Variants in ERC2 observed in about 807,000 individuals in gnomAD.
The protein encoded by ERC2 is ELKS/RAB6-interacting/CAST family member 2.
A neutral mutation model predicts 114.8 loss-of-function variants in ERC2; 42 were observed. The ratio of observed to expected loss-of-function variants is 0.37; its 90% confidence interval spans 0.29 to 0.47. The LOEUF is 0.47. Among genes scored for constraint, ERC2 ranks in the 20% least tolerant of loss-of-function variants. The pLI, the probability that ERC2 is intolerant of heterozygous loss-of-function variation, is 0.99. For missense variants in ERC2, 939 were observed against 1,150.7 expected (o/e 0.82, Z 2.66); for synonymous variants, 454 against 425.5 (o/e 1.07, Z -0.82).
intron 5 of ERC2, among the ~76,000 whole-genome samples, chr3:56,146,893 C>A (rs2081172996): frequency 6.6e-6 from 1 of 152,278 alleles, no homozygotes; most frequent in East Asian, 1.9e-4. Flanking sequence ...AAGTAACTAG[C>A]CATTAAAAGT....
At chr3:56,388,415 G>T (rs1410599316) in intron 2 of ERC2, among the ~76,000 whole-genome samples, 1 of 152,122 alleles carries the variant, frequency 6.6e-6, no homozygotes, top group African/African-American at 2.4e-5. Context: ...TTTCAGCCAT[G>T]GTTGCAAGCT....
intron 7 of ERC2, among the ~76,000 whole-genome samples, chr3:56,049,410 G>A (rs1401173937): frequency 6.6e-6 from 1 of 152,162 alleles, no homozygotes; most frequent in East Asian, 1.9e-4. Flanking sequence ...AAAAAGAATG[G>A]TCTACTGATA....
chr3:56,356,323 T>C (rs1239710472), intron 2 of ERC2, among the ~76,000 whole-genome samples: 2 of 152,190 alleles, frequency 1.3e-5, no homozygotes, highest in Non-Finnish European at 2.9e-5. Flanking sequence ...CAGAAAACAG[T>C]AATACAGGTA....
intron 4 of ERC2, among the ~76,000 whole-genome samples, chr3:56,151,174 T>A (rs1034682376): frequency 2.6e-5 from 4 of 152,098 alleles, no homozygotes; most frequent in Non-Finnish European, 4.4e-5. Flanking sequence ...TCAAGCAATT[T>A]TCATGCCTCA....
chr3:56,307,107 C>T (rs2056273517), intron 2 of ERC2, among the ~76,000 whole-genome samples: 1 of 152,180 alleles, frequency 6.6e-6, no homozygotes, highest in Admixed American at 6.5e-5. Context: ...AGGATCCAGA[C>T]AGGAAGGTGG....
chr3:55,886,706 A>G (rs1244535042), intron 14 of ERC2, among the ~76,000 whole-genome samples: 2 of 152,234 alleles, frequency 1.3e-5, no homozygotes, highest in Non-Finnish European at 1.5e-5. Context: ...ATTCATACAC[A>G]TATTCCACAA....
At position 55,774,313 on chromosome 3, in the gene ERC2, G is replaced by A. The variant is rs372688032; in HGVS notation, c.2565-39395C>T. Among the ~76,000 whole-genome samples, 45 of 152,324 alleles carry A rather than the reference G, an allele frequency of 3.0e-4. No homozygotes were observed. In the South Asian group the frequency reaches 8.3e-3, roughly 28 times the overall value. On this transcript the variant is annotated intron_variant, in intron 14 of 17. Coordinates refer to ENST00000288221, the MANE Select transcript of ERC2 (RefSeq NM_015576.3). ...AACATCGGTTCAACTAACAAGCTAA[G>A]ATGGATTCTGCAGCCCAAGCTCAAG...
intron 13 of ERC2, among the ~76,000 whole-genome samples, chr3:55,931,501 A>G: frequency 6.6e-6 from 1 of 152,180 alleles, no homozygotes; most frequent in East Asian, 1.9e-4. Context: ...CTAACACAGG[A>G]ACAGAAAACC....
rs2065729983 is a variant in ERC2, at chr3:55,737,791, T to C, written c.2565-2873A>G. Among the ~76,000 whole-genome samples the C allele has an allele frequency of 4.6e-5, 7 of 152,222 alleles. No homozygotes were observed. In the South Asian group the frequency reaches 1.2e-3, roughly 27 times the overall value. On this transcript the variant is annotated intron_variant, in intron 14 of 17. Coordinates refer to ENST00000288221, the MANE Select transcript of ERC2 (RefSeq NM_015576.3). ...TTACAAGCACAGGCACTATTTTCTTTTATGACAAACTTTCAAGGCCGTTTG... is the reference window on the plus strand; with the variant it reads ...TTACAAGCACAGGCACTATTTTCTTCTATGACAAACTTTCAAGGCCGTTTG...
chr3:55,809,246 T>A (rs1409029450), intron 14 of ERC2, among the ~76,000 whole-genome samples: 1 of 152,160 alleles, frequency 6.6e-6, no homozygotes, highest in Non-Finnish European at 1.5e-5. Flanking sequence ...GTGGCATGCA[T>A]AGAATGTGTA....
chr3:55,750,617 G>A (rs1459706024), intron 14 of ERC2, among the ~76,000 whole-genome samples: 1 of 152,134 alleles, frequency 6.6e-6, no homozygotes, highest in Non-Finnish European at 1.5e-5. Context: ...GGAAAAGAGT[G>A]GCTTCCAGAT....
chr3:56,310,008 C>T (rs1203536701), intron 2 of ERC2, among the ~76,000 whole-genome samples: 1 of 152,126 alleles, frequency 6.6e-6, no homozygotes, highest in Non-Finnish European at 1.5e-5. Context: ...TGTTTTAAGA[C>T]CAATTCGAAG....
chr3:56,319,193 T>A (rs187510629), intron 2 of ERC2, among the ~76,000 whole-genome samples: 33 of 152,196 alleles, frequency 2.2e-4, no homozygotes, highest in Middle Eastern at 3.4e-3. Flanking sequence ...CACTCCTGTG[T>A]TCACTGCAGC....
chr3:55,746,710 G>A (rs1462468072), intron 14 of ERC2, among the ~76,000 whole-genome samples: 3 of 152,204 alleles, frequency 2.0e-5, no homozygotes, highest in African/African-American at 7.2e-5. Flanking sequence ...TGGTAGCCAG[G>A]CAAAGGGCAG....
chr3:55,608,785 G>A lies in ERC2; in HGVS notation c.*39+75009C>T, dbSNP rs150865133. Among the ~76,000 whole-genome samples, 253 of 152,152 alleles carry A rather than the reference G, an allele frequency of 1.7e-3. 1 individual carries two copies. The highest frequency in any genetic ancestry group is 5.1e-3 in the African/African-American group (211 of 41,496). ...TTTAACAGAGACTTTGTCAAGATAC[G>A]GCAAGCCAATTACCTCAATCATTGA... On this transcript the variant is annotated intron_variant, in intron 17 of 17. Coordinates refer to ENST00000288221, the MANE Select transcript of ERC2 (RefSeq NM_015576.3).
At chr3:56,450,270 T>C (rs1269975119) in intron 1 of ERC2, among the ~76,000 whole-genome samples, 1 of 151,962 alleles carries the variant, frequency 6.6e-6, no homozygotes, top group Non-Finnish European at 1.5e-5. Flanking sequence ...AGATTTAGCA[T>C]GATTACATGT....
intron 14 of ERC2, among the ~76,000 whole-genome samples, chr3:55,871,086 A>G (rs922456727): frequency 2.0e-5 from 3 of 152,210 alleles, no homozygotes; most frequent in Admixed American, 2.0e-4. Flanking sequence ...GGATATTTGG[A>G]TATGGAAACC....
In ERC2 at chr3:55,509,474, C is replaced by T. The variant is rs530527238; in HGVS notation, c.*1842G>A. On this transcript the variant is annotated 3_prime_UTR_variant, in exon 18 of 18. Transcript: ENST00000288221. ...CTCTGCTTACTTCTCTAACCAAGAC[C>T]TAGATCCCTCTGATAGTTAAAGGAC... 10 of 152,490 alleles carry T rather than the reference C, an allele frequency of 6.6e-5. No homozygotes were observed. In the South Asian group the frequency reaches 2.1e-3, roughly 32 times the overall value. 9.4% of individuals were successfully genotyped at this position (152,490 alleles called of 1,614,324 possible). A position where few individuals can be genotyped will look rare whatever the true frequency, so the allele number is the denominator to read the frequency against.
chr3:56,185,279 A>G (rs2083524216), intron 3 of ERC2: 1 of 152,152 alleles, frequency 6.6e-6, no homozygotes, highest in African/African-American at 2.4e-5. Context: ...AACCTCATGG[A>G]TTTCCCAGCT....
Sources: allele counts gnomAD v4.1 joint callset (sites outside exome capture counted in the v4.1 genomes callset), GRCh38; gene constraint gnomAD v4.1.1; transcripts MANE v1.5; gene names NCBI Gene and HGNC (gene_info 2026-07-23, HGNC 2026-07-21).